AFF3: variants seen among roughly 807,000 people sequenced by gnomAD.
The protein encoded by AFF3 is ALF transcription elongation factor 3.
Under a neutral mutation model 129.7 loss-of-function variants are expected in AFF3, and 32 were observed. That is an observed-to-expected ratio of 0.25 (90% CI 0.19 to 0.33). AFF3 has a LOEUF of 0.33. Ranked by LOEUF, AFF3 falls within the 10% of genes least tolerant of loss-of-function variation. The pLI, the probability that AFF3 is intolerant of heterozygous loss-of-function variation, is 1.00. For synonymous variants in AFF3, 644 were observed against 635.4 expected, an observed-to-expected ratio of 1.01 and a Z score of -0.20; for missense variants, 1,373 against 1,592.0, an observed-to-expected ratio of 0.86 and a Z score of 2.34.
intron 10 of AFF3, among the ~76,000 whole-genome samples, chr2:99,732,322 T>C (rs1364671142): frequency 1.4e-5 from 2 of 142,280 alleles, no homozygotes; most frequent in Non-Finnish European, 3.0e-5. Flanking sequence ...CACTCCAGCC[T>C]GGGCAACAGA....
At chr2:100,078,289 A>G (rs1412377216) in intron 4 of AFF3, among the ~76,000 whole-genome samples, 1 of 152,214 alleles carries the variant, frequency 6.6e-6, no homozygotes, top group Non-Finnish European at 1.5e-5. Context: ...GCGAATATAC[A>G]GGTTTGTCAA....
At chr2:99,823,972 C>T (rs7601309) in intron 8 of AFF3, among the ~76,000 whole-genome samples, 93,275 of 151,908 alleles carry the variant, frequency 0.61, 30,179 homozygotes, top group South Asian at 0.79. Context: ...GAAAAACCAC[C>T]GATCGGATAT....
chr2:100,106,549 A>T (rs1416032899), intron 2 of AFF3: 1 of 996,112 alleles, frequency 1.0e-6, no homozygotes, highest in African/African-American at 1.7e-5. Context: ...ATTCCCAGGA[A>T]CAAAGGCTGG....
At chr2:99,710,756 G>C (rs1647653104) in intron 11 of AFF3, among the ~76,000 whole-genome samples, 1 of 152,168 alleles carries the variant, frequency 6.6e-6, no homozygotes, top group South Asian at 2.1e-4. Context: ...AGTCATTTAA[G>C]AAGTTAAAAG....
intron 13 of AFF3, among the ~76,000 whole-genome samples, chr2:99,623,824 G>C (rs1484252559): frequency 1.3e-5 from 2 of 152,218 alleles, no homozygotes; most frequent in East Asian, 3.8e-4. Flanking sequence ...GTGTAGGGTG[G>C]AACAGGCAAG....
At chr2:100,078,596 G>T (rs1323037661) in intron 4 of AFF3, among the ~76,000 whole-genome samples, 1 of 152,134 alleles carries the variant, frequency 6.6e-6, no homozygotes, top group Non-Finnish European at 1.5e-5. Flanking sequence ...ATGGCACAGA[G>T]AACAGGCTCA....
intron 8 of AFF3, among the ~76,000 whole-genome samples, chr2:99,760,002 C>T (rs1002571539): frequency 4.6e-5 from 7 of 152,132 alleles, no homozygotes; most frequent in East Asian, 3.8e-4. Flanking sequence ...ATATAACTAT[C>T]CCATGGTTTA....
intron 10 of AFF3, among the ~76,000 whole-genome samples, chr2:99,729,309 G>C (rs1679614856): frequency 6.6e-6 from 1 of 152,186 alleles, no homozygotes; most frequent in African/African-American, 2.4e-5. Flanking sequence ...CAAGTCTTCA[G>C]CATGGGGACA....
chr2:99,897,127 G>T (rs961593571), intron 7 of AFF3, among the ~76,000 whole-genome samples: 3 of 152,064 alleles, frequency 2.0e-5, no homozygotes, highest in Admixed American at 2.0e-4. Flanking sequence ...AAAGTTAAGT[G>T]AAATAGATAT....
rs1674096891 is a variant in AFF3 at position 99,546,994 on chromosome 2, G to A, written c.*4480C>T. On this transcript the variant is annotated 3_prime_UTR_variant, in exon 25 of 25. Coordinates refer to ENST00000672756, the MANE Select transcript of AFF3 (RefSeq NM_001386135.1). ...CGTGTGTGCGTATGTGTATGTATCAGGAAATAGCAAAGACAAATAGTAAAC... is the reference window on the plus strand; with the variant it reads ...CGTGTGTGCGTATGTGTATGTATCAAGAAATAGCAAAGACAAATAGTAAAC... 2 of 220,254 alleles carry A rather than the reference G, an allele frequency of 9.1e-6. No homozygotes were observed. Among genetic ancestry groups the A allele is most frequent in the Admixed American group, 1.2e-4 (2 of 17,356 alleles). The allele number at this position is 220,254 out of a possible 1,614,324, so 13.6% of individuals were successfully genotyped here. A position where few individuals can be genotyped will look rare whatever the true frequency, so the allele number is the denominator to read the frequency against.
chr2:99,602,856 G>T (rs1379989859), intron 13 of AFF3, among the ~76,000 whole-genome samples: 1 of 152,216 alleles, frequency 6.6e-6, no homozygotes, highest in Middle Eastern at 3.2e-3. Flanking sequence ...TCCTGGGTAT[G>T]GGGGTGGGGA....
At position 100,006,974 on chromosome 2, in the gene AFF3, G is replaced by C. The variant is rs751098398; in HGVS notation, c.531C>G (p.Gly177=). 3 of 1,613,166 alleles carry C rather than the reference G, an allele frequency of 1.9e-6. No homozygotes were observed. Among genetic ancestry groups the C allele is most frequent in the Non-Finnish European group, 2.5e-6 (3 of 1,179,338 alleles). Reference sequence around the variant, plus strand: ...CTTGTTTGGCCCGAGGCTGCTGTCTGCCAACACCATCTCCAAGCAAGGTCC... The same window carrying C: ...CTTGTTTGGCCCGAGGCTGCTGTCTCCCAACACCATCTCCAAGCAAGGTCC... ...SLRTLLGDGV[G]RQQPRAKQVC... is the part of the protein sequence containing the mutation. Residue 177 remains glycine, a synonymous_variant, in exon 7 of 25, where the codon GGC becomes GGG. Transcript: ENST00000672756.
chr2:99,797,600 A>T (rs1366134701), intron 8 of AFF3, among the ~76,000 whole-genome samples: 2 of 152,148 alleles, frequency 1.3e-5, no homozygotes, highest in African/African-American at 4.8e-5. Context: ...TACAGTAAAC[A>T]TGAAGAAAGC....
intron 12 of AFF3, among the ~76,000 whole-genome samples, chr2:99,665,378 T>C (rs1256955546): frequency 1.3e-5 from 2 of 152,220 alleles, no homozygotes; most frequent in African/African-American, 4.8e-5. Context: ...AGGCTGAGTT[T>C]ATAGGACTTA....
At chr2:99,930,523 C>T (rs997652469) in intron 7 of AFF3, among the ~76,000 whole-genome samples, 1 of 152,132 alleles carries the variant, frequency 6.6e-6, no homozygotes, top group African/African-American at 2.4e-5. Context: ...CCTGCTCCTC[C>T]TCCCTTTCTT....
chr2:99,694,407 G>A (rs531416382), intron 11 of AFF3, among the ~76,000 whole-genome samples: 1 of 152,206 alleles, frequency 6.6e-6, no homozygotes, highest in East Asian at 1.9e-4. Flanking sequence ...GGCAGGCAGA[G>A]GAAGCTGGGT....
chr2:99,677,206 G>T (rs980010407), intron 11 of AFF3, among the ~76,000 whole-genome samples: 3 of 147,198 alleles, frequency 2.0e-5, no homozygotes, highest in African/African-American at 7.6e-5. Context: ...GGAGGTCAAG[G>T]CTAGAGTGAG....
chr2:99,547,720 C>T lies in AFF3; in HGVS notation c.*3754G>A, dbSNP rs958902137. The T allele has an allele frequency of 2.4e-5, 5 of 208,900 alleles. No individual in the cohort carries two copies. Among genetic ancestry groups the T allele is most frequent in the African/African-American group, 4.5e-5 (2 of 44,130 alleles). The allele number at this position is 208,900 out of a possible 1,614,324, so 12.9% of individuals were successfully genotyped here. On this transcript the variant is annotated 3_prime_UTR_variant, in exon 25 of 25. Coordinates refer to ENST00000672756, the MANE Select transcript of AFF3 (RefSeq NM_001386135.1). ...TTAGGCACTAGTAATATCCTTCAGG[C>T]GTACTACAGTTTTATGTTAGCTGTA... is the stretch of plus-strand genomic sequence containing the variant.
chr2:99,587,252 C>T lies in AFF3; in HGVS notation c.2493G>A (p.Glu831=). Residue 831 remains glutamate, a synonymous_variant, in exon 16 of 25, where the codon GAG becomes GAA. Coordinates refer to ENST00000672756, the MANE Select transcript of AFF3 (RefSeq NM_001386135.1). ...CTTTCTCTCCCTGGGACTTCTTGAT[C>T]TCCCTGTAGTCGTCTTCGTTGTCAC... is the stretch of plus-strand genomic sequence containing the variant. The part of the protein sequence containing the change: ...RKCDNEDDYR[E]IKKSQGEKDS... 2 of 1,614,162 alleles carry T rather than the reference C, an allele frequency of 1.2e-6. No individual in the cohort carries two copies. The highest frequency in any genetic ancestry group is 1.7e-6 in the Non-Finnish European group (2 of 1,180,014).
Sources: gnomAD v4.1 joint callset for allele counts (sites outside exome capture counted in the v4.1 genomes callset) on GRCh38, gnomAD v4.1.1 for gene constraint, MANE v1.5 for transcripts, NCBI Gene and HGNC (gene_info 2026-07-23, HGNC 2026-07-21) for gene names.